Variants in NDST3 observed in about 807,000 individuals in gnomAD.
The protein encoded by NDST3 is bifunctional heparan sulfate N-deacetylase/N-sulfotransferase 3.
Under a neutral mutation model 96.1 loss-of-function variants are expected in NDST3, and 58 were observed. The observed-to-expected ratio is 0.60, with a 90% confidence interval of 0.49 to 0.75. The LOEUF (loss-of-function observed/expected upper bound fraction) is 0.75, where lower values mean the gene tolerates loss of function less well. NDST3 is among the 30% of genes least tolerant of loss of function. The pLI is 0.00. For synonymous variants in NDST3, 333 were observed against 359.7 expected (o/e 0.93, Z 0.84); for missense variants, 788 against 1,034.2 (o/e 0.76, Z 3.27).
chr4:118,122,257 A>C (rs1267771657), intron 4 of NDST3, among the ~76,000 whole-genome samples: 1 of 152,146 alleles, frequency 6.6e-6, no homozygotes, highest in Non-Finnish European at 1.5e-5. Context: ...GTCTATTTCC[A>C]GATCCATTCC....
intron 6 of NDST3, among the ~76,000 whole-genome samples, chr4:118,167,040 T>C (rs1440333408): frequency 6.6e-6 from 1 of 150,542 alleles, no homozygotes; most frequent in Non-Finnish European, 1.5e-5. Flanking sequence ...GTACTAGCCA[T>C]AGCAGTTAGG....
intron 12 of NDST3, among the ~76,000 whole-genome samples, chr4:118,251,267 C>G (rs1225298051): frequency 1.3e-5 from 2 of 150,882 alleles, no homozygotes; most frequent in Non-Finnish European, 3.0e-5. Context: ...GCTGGGACTA[C>G]AGGCGCCTGC....
intron 10 of NDST3, among the ~76,000 whole-genome samples, chr4:118,237,540 T>C (rs10025340): frequency 7.9e-5 from 12 of 152,198 alleles, no homozygotes; most frequent in African/African-American, 2.9e-4. Context: ...AAGGTAATAA[T>C]TTAAAATCAT....
At chr4:118,043,873 T>C (rs1433403365) in intron 1 of NDST3, among the ~76,000 whole-genome samples, 1 of 152,208 alleles carries the variant, frequency 6.6e-6, no homozygotes, top group Non-Finnish European at 1.5e-5. Context: ...TTTTAATGTA[T>C]GCATTTAAAT....
At chr4:118,245,000 CT>C (rs1741226375) in intron 12 of NDST3, among the ~76,000 whole-genome samples, 1 of 152,096 alleles carries the variant, frequency 6.6e-6, no homozygotes, top group Admixed American at 6.5e-5. Flanking sequence ...TAATTTACAA[CT>C]CTTGTTCCAC....
At chr4:118,145,910 C>T (rs2125909413) in intron 6 of NDST3, among the ~76,000 whole-genome samples, 1 of 152,310 alleles carries the variant, frequency 6.6e-6, no homozygotes, top group Middle Eastern at 3.4e-3. Context: ...GGAAGCAATT[C>T]TACTCACCTG....
At chr4:118,128,166 T>A (rs1732281235) in intron 4 of NDST3, among the ~76,000 whole-genome samples, 1 of 152,106 alleles carries the variant, frequency 6.6e-6, no homozygotes, top group South Asian at 2.1e-4. Context: ...CCAGCTTGAA[T>A]GCCCTTCATT....
At chr4:118,174,401 A>G (rs985256551) in intron 6 of NDST3, among the ~76,000 whole-genome samples, 10 of 152,198 alleles carry the variant, frequency 6.6e-5, no homozygotes, top group Admixed American at 3.9e-4. Flanking sequence ...ATCCCTACTT[A>G]TATTTACAAG....
chr4:118,065,712 C>T (rs934416957), intron 2 of NDST3, among the ~76,000 whole-genome samples: 1 of 151,688 alleles, frequency 6.6e-6, no homozygotes, highest in African/African-American at 2.4e-5. Context: ...GTTTCAGTGC[C>T]CTTATTGTAT....
chr4:118,134,980 G>A (rs1418773223), intron 4 of NDST3, among the ~76,000 whole-genome samples: 1 of 152,172 alleles, frequency 6.6e-6, no homozygotes, highest in East Asian at 1.9e-4. Context: ...GAACAATCCA[G>A]AGGAGAGTAA....
intron 2 of NDST3, among the ~76,000 whole-genome samples, chr4:118,089,346 A>G: frequency 6.6e-6 from 1 of 151,860 alleles, no homozygotes; most frequent in East Asian, 1.9e-4. Context: ...TATCTTTGTA[A>G]AGAAAAAAAA....
chr4:118,196,900 C>CT (rs950970625), intron 6 of NDST3, among the ~76,000 whole-genome samples: 1 of 144,304 alleles, frequency 6.9e-6, no homozygotes, highest in African/African-American at 2.6e-5. Flanking sequence ...TTTGCTCTTG[C>CT]TTTTCTACTT....
At chr4:118,051,982 C>T (rs1725106405) in intron 1 of NDST3, among the ~76,000 whole-genome samples, 1 of 152,104 alleles carries the variant, frequency 6.6e-6, no homozygotes, top group South Asian at 2.1e-4. Context: ...TTGGAGATTT[C>T]TGAAAGAACT....
intron 6 of NDST3, among the ~76,000 whole-genome samples, chr4:118,156,266 T>C (rs532907696): frequency 1.3e-5 from 2 of 152,168 alleles, no homozygotes; most frequent in African/African-American, 2.4e-5. Flanking sequence ...TCCTGCAAAT[T>C]TGAACTCATA....
chr4:118,253,655 T>C (rs1741914915), intron 13 of NDST3, 54 bp downstream of exon 13: 4 of 1,170,544 alleles, frequency 3.4e-6, no homozygotes, highest in South Asian at 1.5e-5. Context: ...TAACCAATAA[T>C]ATCATCTACT....
intron 4 of NDST3, among the ~76,000 whole-genome samples, chr4:118,121,215 A>C (rs559748000): frequency 1.3e-4 from 20 of 152,288 alleles, no homozygotes; most frequent in African/African-American, 4.6e-4. Context: ...TCAAGTTATT[A>C]GTATTGTTGA....
At chr4:118,092,258 G>A (rs996891198) in intron 2 of NDST3, among the ~76,000 whole-genome samples, 4 of 150,630 alleles carry the variant, frequency 2.7e-5, no homozygotes, top group Non-Finnish European at 4.4e-5. Flanking sequence ...ACTAAGATTC[G>A]GGAAAGGCAC....
intron 6 of NDST3, among the ~76,000 whole-genome samples, chr4:118,156,817 G>T (rs1178282719): frequency 6.6e-6 from 1 of 152,136 alleles, no homozygotes; most frequent in African/African-American, 2.4e-5. Context: ...AAGTCTGTGG[G>T]AAAACAGGTA....
chr4:118,180,207 T>A (rs1273808619), intron 6 of NDST3, among the ~76,000 whole-genome samples: 1 of 152,114 alleles, frequency 6.6e-6, no homozygotes, highest in East Asian at 1.9e-4. Flanking sequence ...ATCAACCAGG[T>A]ACTGAGAATA....
Sources: gnomAD v4.1 joint callset for allele counts (sites outside exome capture counted in the v4.1 genomes callset) on GRCh38, gnomAD v4.1.1 for gene constraint, MANE v1.5 for transcripts, NCBI Gene and HGNC (gene_info 2026-07-23, HGNC 2026-07-21) for gene names.